The following LZTFL1 variants were observed in gnomAD, a reference collection of about 807,000 sequenced individuals.
The protein encoded by LZTFL1 is leucine zipper transcription factor-like protein 1.
LZTFL1 carries 25 observed loss-of-function variants against 45.9 expected under a neutral mutation model. The ratio of observed to expected loss-of-function variants is 0.54; its 90% CI spans 0.40 to 0.76. The LOEUF is 0.76. Ranked by LOEUF, LZTFL1 falls within the 30% of genes least tolerant of loss-of-function variation. The probability of loss-of-function intolerance (pLI) is 0.00; values close to 1 mark genes in which losing one functional copy is unlikely to be tolerated. For synonymous variants in LZTFL1, 93 were observed against 117.4 expected (o/e 0.79, Z 1.35); for missense variants, 277 against 331.1 (o/e 0.84, Z 1.27).
At chr3:45,865,412 C>G (rs554221535) in intron 2 of LZTFL1, among the ~76,000 whole-genome samples, 55 of 152,386 alleles carry the variant, frequency 3.6e-4, no homozygotes, top group African/African-American at 1.3e-3. Context: ...GTTAGAGCAA[C>G]AGAGCTCACA....
At chr3:45,832,997 G>T in intron 5 of LZTFL1, 53 bp downstream of exon 5, 1 of 1,319,684 alleles carries the variant, frequency 7.6e-7, no homozygotes, top group Non-Finnish European at 1.1e-6. Context: ...TCCACCCTAG[G>T]CAATGACAGG....
At chr3:45,845,597 G>A (rs1701206011), upstream of LZTFL1, among the ~76,000 whole-genome samples, 1 of 152,160 alleles carries the variant, frequency 6.6e-6, no homozygotes, top group Non-Finnish European at 1.5e-5. Flanking sequence ...ACTACAAAAA[G>A]AGATATACTG....
At chr3:45,911,073 C>T (rs1333387379) in intron 2 of LZTFL1, among the ~76,000 whole-genome samples, 1 of 152,174 alleles carries the variant, frequency 6.6e-6, no homozygotes, top group Non-Finnish European at 1.5e-5. Flanking sequence ...CTGGCTTCCC[C>T]TGTGCAAGAG....
chr3:45,832,378 A>G (rs1700850551), intron 5 of LZTFL1, among the ~76,000 whole-genome samples: 2 of 152,212 alleles, frequency 1.3e-5, no homozygotes, highest in African/African-American at 4.8e-5. Context: ...AAATGCTTCA[A>G]CATCAGAAAC....
chr3:45,860,786 C>G (rs1285934341), intron 2 of LZTFL1, among the ~76,000 whole-genome samples: 1 of 152,106 alleles, frequency 6.6e-6, no homozygotes, highest in East Asian at 1.9e-4. Context: ...AAAGGGTTGC[C>G]TCAGCAAGGA....
chr3:45,846,509 T>G (rs906596947), upstream of LZTFL1, among the ~76,000 whole-genome samples: 10 of 152,314 alleles, frequency 6.6e-5, no homozygotes, highest in Middle Eastern at 3.4e-3. Flanking sequence ...CCCCCAAAAC[T>G]GAACTACTAA....
In LZTFL1 at chr3:45,838,010, A is replaced by C; in HGVS notation, c.45T>G (p.Ile15Met). The C allele has an allele frequency of 6.2e-7, 1 of 1,612,322 alleles. No individual in the cohort carries two copies. Among genetic ancestry groups the C allele is most frequent in the Non-Finnish European group, 8.5e-7 (1 of 1,179,528 alleles). Reference sequence around the variant, plus strand: ...TTGAACGAGCAAAACGCATATAATTAATAACTTCATTTTGATGGTGCTCAT... The same window carrying C: ...TTGAACGAGCAAAACGCATATAATTCATAACTTCATTTTGATGGTGCTCAT... Reference protein sequence around the residue: ...GLNEHHQNEVINYMRFARSKR... With the variant: ...GLNEHHQNEVMNYMRFARSKR... The change falls in exon 2 of 10, where the codon ATT becomes ATG. Residue 15 changes from isoleucine (I) to methionine (M), a missense_variant. Transcript: ENST00000296135.
At chr3:45,840,923 C>G (rs1262111550) in intron 1 of LZTFL1, among the ~76,000 whole-genome samples, 2 of 152,212 alleles carry the variant, frequency 1.3e-5, no homozygotes, top group Non-Finnish European at 2.9e-5. Context: ...CACGCATTAT[C>G]TTACTTATCA....
At chr3:45,845,982 G>T (rs1285123123), upstream of LZTFL1, among the ~76,000 whole-genome samples, 1 of 152,190 alleles carries the variant, frequency 6.6e-6, no homozygotes, top group African/African-American at 2.4e-5. Flanking sequence ...CAAGCTCCTT[G>T]AAGGAAGAAA....
intron 2 of LZTFL1, among the ~76,000 whole-genome samples, chr3:45,862,450 A>T (rs1701506415): frequency 1.3e-5 from 2 of 152,134 alleles, no homozygotes; most frequent in African/African-American, 4.8e-5. Context: ...AACCTGCAGG[A>T]CCATGCAGGG....
At chr3:45,849,506 T>A (rs1559408896) in intron 4 of LZTFL1, among the ~76,000 whole-genome samples, 3 of 152,034 alleles carry the variant, frequency 2.0e-5, no homozygotes, top group African/African-American at 7.2e-5. Flanking sequence ...AAACCCAGGG[T>A]GATATAAAGA....
intron 2 of LZTFL1, among the ~76,000 whole-genome samples, chr3:45,870,729 T>G (rs997781920): frequency 3.3e-5 from 5 of 152,234 alleles, no homozygotes; most frequent in African/African-American, 1.2e-4. Flanking sequence ...AGCAATTTAT[T>G]CTTGAAAACA....
At chr3:45,886,288 T>C (rs1405590023) in intron 2 of LZTFL1, among the ~76,000 whole-genome samples, 1 of 152,218 alleles carries the variant, frequency 6.6e-6, no homozygotes, top group Non-Finnish European at 1.5e-5. Flanking sequence ...CCCCATTCCC[T>C]GTAAGCAGCT....
At chr3:45,905,494 T>C (rs1702662474) in intron 2 of LZTFL1, among the ~76,000 whole-genome samples, 1 of 152,258 alleles carries the variant, frequency 6.6e-6, no homozygotes, top group South Asian at 2.1e-4. Flanking sequence ...ATACGCTCAA[T>C]TGTGGCACCA....
chr3:45,873,794 C>T (rs1025513888), intron 2 of LZTFL1, among the ~76,000 whole-genome samples: 2 of 152,176 alleles, frequency 1.3e-5, no homozygotes, highest in African/African-American at 4.8e-5. Context: ...ACAAGCTGTT[C>T]ACTCCTTCTA....
chr3:45,884,891 T>A (rs993342877), intron 2 of LZTFL1, among the ~76,000 whole-genome samples: 1 of 152,190 alleles, frequency 6.6e-6, no homozygotes, highest in Admixed American at 6.5e-5. Context: ...AGGAGTGAGA[T>A]GCCAGAGCAT....
In LZTFL1 at chr3:45,826,214, TAAG is replaced by T. The variant is rs1382372232; in HGVS notation, c.*97_*99del. 9 of 984,966 alleles carry T rather than the reference TAAG, an allele frequency of 9.1e-6. No individual in the cohort carries two copies. Among genetic ancestry groups the T allele is most frequent in the Non-Finnish European group, 1.3e-5 (8 of 635,374 alleles). 61.0% of individuals were successfully genotyped at this position (984,966 alleles called of 1,614,324 possible). A position where few individuals can be genotyped will look rare whatever the true frequency, so the allele number is the denominator to read the frequency against. On this transcript the variant is annotated 3_prime_UTR_variant, in exon 10 of 10. Transcript: ENST00000296135. Reference sequence around the variant, plus strand: ...ATTCAAAGTCTAAATATTAGAAAAATAAGGAGAGGGGATATGACAAAATGCTTT... The same window carrying T: ...ATTCAAAGTCTAAATATTAGAAAAATGAGAGGGGATATGACAAAATGCTTT...
intron 3 of LZTFL1, 82 bp from the exon 4 acceptor site, chr3:45,834,380 C>G: frequency 1.2e-6 from 1 of 830,388 alleles, no homozygotes; most frequent in South Asian, 1.5e-5. Context: ...TCACTGGTAC[C>G]AACCCATTAC....
intron 2 of LZTFL1, among the ~76,000 whole-genome samples, chr3:45,877,079 A>G (rs1701759692): frequency 6.6e-6 from 1 of 152,126 alleles, no homozygotes; most frequent in Admixed American, 6.5e-5. Flanking sequence ...AAAAGTAGGA[A>G]GGGATCCCAA....
Sources: allele counts gnomAD v4.1 joint callset (sites outside exome capture counted in the v4.1 genomes callset), GRCh38; gene constraint gnomAD v4.1.1; transcripts MANE v1.5; gene names NCBI Gene and HGNC (gene_info 2026-07-23, HGNC 2026-07-21).